Variants in FMR1 observed in about 807,000 individuals in gnomAD.
FMR1 encodes the protein fragile X messenger ribonucleoprotein 1.
A neutral mutation model predicts 50.6 loss-of-function variants in FMR1; 13 were observed. The ratio of observed to expected loss-of-function variants is 0.26; its 90% CI spans 0.17 to 0.41. FMR1 has a LOEUF of 0.41. Ranked by LOEUF, FMR1 falls within the 10% of genes least tolerant of loss-of-function variation. FMR1 has a pLI of 1.00. For missense variants in FMR1, 316 were observed against 491.3 expected, an observed-to-expected ratio of 0.64 and a Z score of 3.37; for synonymous variants, 138 against 164.1, an observed-to-expected ratio of 0.84 and a Z score of 1.22.
rs1557183535 is a variant in FMR1 at position 147,950,718 on chromosome X, T to C, written c.*1874T>C. ...AAGAAATCTATAGAAAGTGTTCTGTTACAAAATGTAACTGTTACCATTGGA... is the reference window on the plus strand; with the variant it reads ...AAGAAATCTATAGAAAGTGTTCTGTCACAAAATGTAACTGTTACCATTGGA... On this transcript the variant is annotated 3_prime_UTR_variant, in exon 17 of 17. Coordinates refer to ENST00000370475, the MANE Select transcript of FMR1 (RefSeq NM_002024.6). The C allele has an allele frequency of 3.1e-6, 1 of 326,479 alleles. No individual in the cohort carries two copies. The highest frequency in any genetic ancestry group is 9.7e-5 in the East Asian group (1 of 10,319). The allele number at this position is 326,479 out of a possible 1,213,427, so 26.9% of individuals were successfully genotyped here.
chrX:147,920,991 CT>C (rs781995908), intron 1 of FMR1, among the ~76,000 whole-genome samples: 1 of 111,666 alleles, frequency 9.0e-6, no homozygotes, highest in Non-Finnish European at 1.9e-5. Context: ...CCTGTAGAGC[CT>C]TTTACAGCGG....
At chrX:147,943,665 A>G (rs1463440816) in intron 14 of FMR1, 4 of 216,435 alleles carry the variant, frequency 1.8e-5, no homozygotes, top group Non-Finnish European at 2.5e-5. Context: ...TTTGTCAGGT[A>G]TGTGCTGGTC....
chrX:147,951,017 T>C lies in FMR1; in HGVS notation c.*2173T>C, dbSNP rs782032807. Reference sequence around the variant, plus strand: ...TGTGCTAAACGTGTATGTTTTTCAGTTCAAAGTCATGATGTTTTTAAAATC... The same window carrying C: ...TGTGCTAAACGTGTATGTTTTTCAGCTCAAAGTCATGATGTTTTTAAAATC... On this transcript the variant is annotated 3_prime_UTR_variant, in exon 17 of 17. Coordinates refer to ENST00000370475, the MANE Select transcript of FMR1 (RefSeq NM_002024.6). 7 of 248,204 alleles carry C rather than the reference T, an allele frequency of 2.8e-5. No individual in the cohort carries two copies. The South Asian group carries it at 2.9e-4, about 10-fold the overall frequency. 20.5% of individuals were successfully genotyped at this position (248,204 alleles called of 1,213,427 possible).
At chrX:147,923,765 C>A in intron 2 of FMR1, among the ~76,000 whole-genome samples, 1 of 111,881 alleles carries the variant, frequency 8.9e-6, no homozygotes, top group Non-Finnish European at 1.9e-5. Context: ...TCCTTGTGTT[C>A]ATGGAGTATG....
intron 2 of FMR1, chrX:147,924,930 C>T (rs2043334834): frequency 8.9e-6 from 1 of 112,059 alleles, no homozygotes; most frequent in Non-Finnish European, 1.9e-5. Flanking sequence ...CTGTCTCCAT[C>T]GGGTTTCTGT....
chrX:147,917,423 AATG>A (rs1477306683), intron 1 of FMR1, among the ~76,000 whole-genome samples: 5 of 111,933 alleles, frequency 4.5e-5, no homozygotes, highest in African/African-American at 1.6e-4. Flanking sequence ...GGGACCCCTT[AATG>A]ATTTATTTCC....
At position 147,925,611 on chromosome X, in the gene FMR1, T is replaced by C; in HGVS notation, c.176T>C (p.Ile59Thr). The C allele has an allele frequency of 3.4e-6, 4 of 1,191,555 alleles. No individual in the cohort carries two copies. The highest frequency in any genetic ancestry group is 4.6e-6 in the Non-Finnish European group (4 of 877,206). ...CCTCCTGTAGGTTATAATAAAGATA[T>C]AAATGAAAGTGATGAAGTTGAGGTG... Reference protein sequence around the residue: ...FPPPVGYNKDINESDEVEVYS... With the variant: ...FPPPVGYNKDTNESDEVEVYS... The change falls in exon 3 of 17, where the codon ATA becomes ACA. Residue 59 changes from isoleucine (I) to threonine (T), a missense_variant. Ile to Thr is a moderately conservative substitution (Grantham distance 89). Coordinates refer to ENST00000370475, the MANE Select transcript of FMR1 (RefSeq NM_002024.6).
In FMR1 at chrX:147,912,324, G is replaced by A. The variant is rs782395504; in HGVS notation, c.51+94G>A. On this transcript the variant is annotated intron_variant, in intron 1 of 16. Transcript: ENST00000370475. ...GAGGCAGGCCCGGGGCCCTCTTCCC[G>A]AGCACCGCGCCTGGGTGCCAGGGCA... 5.6e-3 allele frequency: 4,877 copies of A among 865,654 alleles called. 18 individuals are homozygous for A. Among genetic ancestry groups the A allele is most frequent in the Non-Finnish European group, 6.6e-3 (4,045 of 611,602 alleles). 71.3% of individuals were successfully genotyped at this position (865,654 alleles called of 1,213,427 possible).
intron 1 of FMR1, among the ~76,000 whole-genome samples, chrX:147,914,850 G>A (rs2042770128): frequency 8.9e-6 from 1 of 111,794 alleles, no homozygotes; most frequent in Non-Finnish European, 1.9e-5. Flanking sequence ...AGGTGCATCT[G>A]CCCCACATAA....
chrX:147,950,220 C>G lies in FMR1; in HGVS notation c.*1376C>G, dbSNP rs1557183330. 1 of 328,843 alleles carries G rather than the reference C, an allele frequency of 3.0e-6. No homozygotes were observed. The highest frequency in any genetic ancestry group is 2.6e-5 in the African/African-American group (1 of 37,962). 27.1% of individuals were successfully genotyped at this position (328,843 alleles called of 1,213,427 possible). ...AGAGCCGTAAAAACTGAAGTTCTGC[C>G]TCTGATGTATTTTGTGAGTTTGTTT... On this transcript the variant is annotated 3_prime_UTR_variant, in exon 17 of 17. Transcript: ENST00000370475.
chrX:147,912,290 T>A (rs1246463077), intron 1 of FMR1, 60 bp downstream of exon 1: 3 of 1,078,798 alleles, frequency 2.8e-6, no homozygotes, highest in Non-Finnish European at 3.8e-6. Flanking sequence ...TTCTTCTTGG[T>A]GTCGGCGGGA....
chrX:147,944,548 A>G, intron 14 of FMR1: 2 of 863,841 alleles, frequency 2.3e-6, no homozygotes, highest in Non-Finnish European at 2.8e-6. Context: ...CTTTTCCTCC[A>G]GAGAGTATAG....
At chrX:147,918,529 G>A (rs1444753180) in intron 1 of FMR1, among the ~76,000 whole-genome samples, 9 of 95,598 alleles carry the variant, frequency 9.4e-5, no homozygotes, top group East Asian at 6.9e-4. Flanking sequence ...GAAATCATCC[G>A]GAAATGCATT....
At chrX:147,912,282 C>A (rs1557174050) in intron 1 of FMR1, 52 bp downstream of exon 1, 3 of 1,099,190 alleles carry the variant, frequency 2.7e-6, no homozygotes, top group Non-Finnish European at 3.7e-6. Flanking sequence ...CCTCCCTTTT[C>A]TTCTTGGTGT....
At chrX:147,928,573 A>G in intron 4 of FMR1, 86 bp from the exon 5 acceptor site, 1 of 919,187 alleles carries the variant, frequency 1.1e-6, no homozygotes, top group Admixed American at 2.7e-5. Flanking sequence ...CACATAGATT[A>G]TTTATTTTAA....
At chrX:147,934,054 G>T (rs962345117) in intron 9 of FMR1, among the ~76,000 whole-genome samples, 1 of 112,274 alleles carries the variant, frequency 8.9e-6, no homozygotes, top group Non-Finnish European at 1.9e-5. Context: ...TATGCATAGC[G>T]CAAGATAAAG....
chrX:147,923,220 C>T (rs782484750), intron 2 of FMR1, among the ~76,000 whole-genome samples: 3 of 111,643 alleles, frequency 2.7e-5, no homozygotes, highest in Non-Finnish European at 5.7e-5. Flanking sequence ...AGCATCTAAC[C>T]CTATTTCTGG....
chrX:147,948,664 C>G lies in FMR1; in HGVS notation c.1738-19C>G. ...AGTAGGATATGGTCTGTGTATATAA[C>G]AACTATAACTTGTTTTAGATCAGAG... On this transcript the variant is annotated intron_variant, in intron 16 of 16. Coordinates refer to ENST00000370475, the MANE Select transcript of FMR1 (RefSeq NM_002024.6). 8.3e-7 allele frequency: 1 copy of G among 1,211,428 alleles called. No homozygotes were observed. The highest frequency in any genetic ancestry group is 1.8e-5 in the South Asian group (1 of 56,973).
chrX:147,943,134 G>A lies in FMR1; in HGVS notation c.1279G>A (p.Val427Ile). The change falls in exon 14 of 17, where the codon GTA (valine) becomes ATA (isoleucine). Residue 427 changes from valine to isoleucine, a missense_variant. This residue lies in a region of FMR1 where 15 missense variants were observed against 40.9 expected (regional missense o/e 0.37). Transcript: ENST00000370475. The part of the protein sequence containing the change: ...LDYHLNYLKE[V>I]DQLRLERLQI... ...TTATCTTGTATATTTTAAATAGGAA[G>A]TAGACCAGTTGCGTTTGGAGAGATT... The A allele has an allele frequency of 8.3e-7, 1 of 1,203,391 alleles. No individual in the cohort carries two copies. The highest frequency in any genetic ancestry group is 1.1e-6 in the Non-Finnish European group (1 of 887,955).
Sources: allele counts gnomAD v4.1 joint callset (sites outside exome capture counted in the v4.1 genomes callset), GRCh38; gene constraint gnomAD v4.1.1; regional missense constraint gnomAD v4.1.1; transcripts MANE v1.5; gene names NCBI Gene and HGNC (gene_info 2026-07-23, HGNC 2026-07-21).